Variants in ADAMTSL1 observed in about 807,000 individuals in gnomAD.
ADAMTSL1 encodes the protein ADAMTS-like protein 1.
ADAMTSL1 carries 126 observed loss-of-function variants against 201.8 expected under a neutral mutation model. The ratio of observed to expected loss-of-function variants is 0.62; its 90% confidence interval spans 0.54 to 0.72. The LOEUF (loss-of-function observed/expected upper bound fraction) is 0.72, where lower values mean the gene tolerates loss of function less well. ADAMTSL1 is among the 30% of genes least tolerant of loss of function. ADAMTSL1 has a pLI of 0.00. For missense variants in ADAMTSL1, 2,679 were observed against 2,277.8 expected (o/e 1.18, Z -3.59); for synonymous variants, 1,121 against 903.4 (o/e 1.24, Z -4.32).
chr9:18,877,152 AT>A (rs1202434566), intron 23 of ADAMTSL1, among the ~76,000 whole-genome samples: 3 of 151,744 alleles, frequency 2.0e-5, no homozygotes, highest in Admixed American at 6.6e-5. Flanking sequence ...ATCCTGTATC[AT>A]TTTTTTGATT....
intron 2 of ADAMTSL1, among the ~76,000 whole-genome samples, chr9:18,272,004 C>T (rs1832389535): frequency 6.6e-6 from 1 of 150,552 alleles, no homozygotes; most frequent in African/African-American, 2.4e-5. Flanking sequence ...ATATCCTTCG[C>T]CCACTTTTTG....
At position 18,776,974 on chromosome 9, in the gene ADAMTSL1, C is replaced by G. The variant is rs764829891; in HGVS notation, c.2745C>G (p.Gly915=). The change falls in exon 19 of 29, where the codon GGC becomes GGG. Residue 915 remains glycine, a synonymous_variant. Coordinates refer to ENST00000380548, the MANE Select transcript of ADAMTSL1 (RefSeq NM_001040272.6). The stretch of plus-strand genomic sequence containing the variant: ...CCCTCATCACCTGGGAGAAGGACGG[C>G]CAGCACCTCATCAGCTCGACGCACG... The part of the protein sequence containing the change: ...RKPLITWEKD[G]QHLISSTHVT... The G allele has an allele frequency of 6.3e-7, 1 of 1,598,862 alleles. No homozygotes were observed. Among genetic ancestry groups the G allele is most frequent in the Admixed American group, 1.7e-5 (1 of 58,900 alleles).
At chr9:18,309,139 A>G (rs1027027283) in intron 2 of ADAMTSL1, among the ~76,000 whole-genome samples, 2 of 150,098 alleles carry the variant, frequency 1.3e-5, no homozygotes, top group African/African-American at 5.0e-5. Context: ...TTCAACACCT[A>G]TTCATGCTAA....
At chr9:18,049,707 C>T (rs1233489318) in intron 1 of ADAMTSL1, among the ~76,000 whole-genome samples, 3 of 151,914 alleles carry the variant, frequency 2.0e-5, no homozygotes, top group South Asian at 2.1e-4. Context: ...CACTGCAAGC[C>T]CCGCCTCCCG....
At position 17,979,954 on chromosome 9, in the gene ADAMTSL1, C is replaced by T. The variant is rs1416051249; in HGVS notation, c.87+73032C>T. Reference sequence around the variant, plus strand: ...AGGAGCTTAGAACTGAGGGGGCTAACATGAAGCTTGGAACCGTGGAAACCA... The same window carrying T: ...AGGAGCTTAGAACTGAGGGGGCTAATATGAAGCTTGGAACCGTGGAAACCA... On this transcript the variant is annotated intron_variant, in intron 1 of 29. Transcript: ENST00000680146. 1.2e-4 allele frequency among the ~76,000 whole-genome samples: 18 copies of T among 152,048 alleles called. No homozygotes were observed. In the East Asian group the frequency reaches 2.9e-3, roughly 25 times the overall value.
intron 2 of ADAMTSL1, among the ~76,000 whole-genome samples, chr9:18,190,159 G>C (rs191963255): frequency 1.3e-5 from 2 of 152,190 alleles, no homozygotes; most frequent in Non-Finnish European, 2.9e-5. Context: ...GTGTAGCATA[G>C]TCCTCCAACT....
At chr9:18,152,774 C>CA (rs920008309) in intron 1 of ADAMTSL1, among the ~76,000 whole-genome samples, 85 of 148,884 alleles carry the variant, frequency 5.7e-4, no homozygotes, top group African/African-American at 1.6e-3. Context: ...AGCAAGAATG[C>CA]AAAAAAAAAG....
At chr9:18,663,183 T>G (rs1829211937) in intron 9 of ADAMTSL1, among the ~76,000 whole-genome samples, 1 of 152,186 alleles carries the variant, frequency 6.6e-6, no homozygotes, top group Admixed American at 6.6e-5. Flanking sequence ...TTTATCTTTA[T>G]ATTTATGACT....
chr9:18,134,014 T>C (rs1206614007), intron 1 of ADAMTSL1, among the ~76,000 whole-genome samples: 2 of 152,146 alleles, frequency 1.3e-5, no homozygotes, highest in Non-Finnish European at 2.9e-5. Flanking sequence ...ATTATTGTAC[T>C]GTTGAATAGT....
rs112987906 is a variant in ADAMTSL1 at position 18,854,005 on chromosome 9, G to T, written c.4249+24028G>T. Among the ~76,000 whole-genome samples the T allele has an allele frequency of 5.3e-5, 8 of 152,010 alleles. 1 individual carries two copies. The highest frequency in any genetic ancestry group is 1.7e-4 in the African/African-American group (7 of 41,428). ...GATATTGTCTACCACTGTTGGAGGT[G>T]GGGGGGTTGTAATCTTTCACCTTTT... On this transcript the variant is annotated intron_variant, in intron 23 of 28. Coordinates refer to ENST00000380548, the MANE Select transcript of ADAMTSL1 (RefSeq NM_001040272.6).
chr9:18,131,999 T>C (rs1825972684), intron 1 of ADAMTSL1, among the ~76,000 whole-genome samples: 1 of 152,148 alleles, frequency 6.6e-6, no homozygotes, highest in Non-Finnish European at 1.5e-5. Flanking sequence ...TCAGTGTTAA[T>C]TCCTGAATTT....
chr9:18,643,465 T>C (rs893262696), intron 7 of ADAMTSL1, among the ~76,000 whole-genome samples: 22 of 152,060 alleles, frequency 1.4e-4, no homozygotes, highest in Admixed American at 1.2e-3. Context: ...CCTGTACTTT[T>C]GGGTCATATT....
intron 2 of ADAMTSL1, among the ~76,000 whole-genome samples, chr9:18,260,995 CTCTTTTTTTCCTTTT>C (rs1831897137): frequency 7.8e-6 from 1 of 128,538 alleles, no homozygotes; most frequent in African/African-American, 2.7e-5. Context: ...CTTAAATCTC[CTCTTTTTTTCCTTTT>C]TCTTTTTTTT....
intron 1 of ADAMTSL1, among the ~76,000 whole-genome samples, chr9:18,017,164 A>T (rs1406573809): frequency 6.6e-6 from 1 of 152,064 alleles, no homozygotes; most frequent in Non-Finnish European, 1.5e-5. Flanking sequence ...TATAGTTTAC[A>T]AAGGATATTC....
At chr9:18,229,699 AT>A (rs773975377) in intron 2 of ADAMTSL1, among the ~76,000 whole-genome samples, 6,220 of 144,024 alleles carry the variant, frequency 0.043, 152 homozygotes, top group Non-Finnish European at 0.056. Context: ...TTCAACCAAC[AT>A]TTTTTTTTTT....
intron 7 of ADAMTSL1, among the ~76,000 whole-genome samples, chr9:18,649,051 A>C (rs957391434): frequency 6.6e-6 from 1 of 152,034 alleles, no homozygotes; most frequent in Non-Finnish European, 1.5e-5. Context: ...TGGTCTTTTC[A>C]CATAGTCCCA....
intron 1 of ADAMTSL1, among the ~76,000 whole-genome samples, chr9:18,503,434 T>TATATATATATATATATATATATAC (rs1822951301): frequency 6.7e-6 from 1 of 148,248 alleles, no homozygotes; most frequent in Non-Finnish European, 1.5e-5. Context: ...TATATATATA[T>TATATATATATATATATATATATAC]ATATATACCA....
intron 4 of ADAMTSL1, among the ~76,000 whole-genome samples, chr9:18,609,741 G>T (rs888627683): frequency 6.6e-6 from 1 of 151,980 alleles, no homozygotes; most frequent in African/African-American, 2.4e-5. Flanking sequence ...CAACACACAG[G>T]GTCTGATAAT....
At chr9:18,090,540 T>G (rs1823965525) in intron 1 of ADAMTSL1, among the ~76,000 whole-genome samples, 1 of 151,846 alleles carries the variant, frequency 6.6e-6, no homozygotes, top group Non-Finnish European at 1.5e-5. Flanking sequence ...GTACCCAGAG[T>G]AGTAAAATTC....
Sources: gnomAD v4.1 joint callset for allele counts (sites outside exome capture counted in the v4.1 genomes callset) on GRCh38, gnomAD v4.1.1 for gene constraint, MANE v1.5 for transcripts, NCBI Gene and HGNC (gene_info 2026-07-23, HGNC 2026-07-21) for gene names.